Variants in PDS5A observed in about 807,000 individuals in gnomAD.
PDS5A encodes the protein sister chromatid cohesion protein PDS5 homolog A.
Under a neutral mutation model 167.1 loss-of-function variants are expected in PDS5A, and 42 were observed. The ratio of observed to expected loss-of-function variants is 0.25; its 90% confidence interval spans 0.20 to 0.33. The LOEUF (loss-of-function observed/expected upper bound fraction) is 0.33, where lower values mean the gene tolerates loss of function less well. Among genes scored for constraint, PDS5A ranks in the 10% least tolerant of loss-of-function variants. PDS5A has a pLI of 1.00. For synonymous variants in PDS5A, 553 were observed against 554.6 expected (o/e 1.00, Z 0.04); for missense variants, 1,033 against 1,605.9 (o/e 0.64, Z 6.10).
At chr4:39,901,220 C>T (rs7696520) in intron 13 of PDS5A, among the ~76,000 whole-genome samples, 36,967 of 150,362 alleles carry the variant, frequency 0.25, 5,009 homozygotes, top group East Asian at 0.44. Flanking sequence ...ACAACACTAT[C>T]GTAATAGAAT....
chr4:39,974,321 C>A (rs528904606), intron 2 of PDS5A: 2 of 509,192 alleles, frequency 3.9e-6, no homozygotes, highest in East Asian at 5.4e-5. Flanking sequence ...GTCAACAGAG[C>A]GGTTGCTAAC....
intron 2 of PDS5A, among the ~76,000 whole-genome samples, chr4:39,967,319 A>G (rs1730069300): frequency 6.7e-6 from 1 of 150,260 alleles, no homozygotes; most frequent in Admixed American, 6.7e-5. Flanking sequence ...AGAAAAGAAA[A>G]GAAACAAATT....
intron 22 of PDS5A, among the ~76,000 whole-genome samples, chr4:39,867,622 A>T (rs1403789036): frequency 1.3e-5 from 2 of 151,374 alleles, no homozygotes; most frequent in Non-Finnish European, 2.9e-5. Flanking sequence ...CAGGAGGCTG[A>T]GGCATGAGAA....
intron 2 of PDS5A, among the ~76,000 whole-genome samples, chr4:39,945,340 A>G (rs1727647747): frequency 6.6e-6 from 1 of 151,728 alleles, no homozygotes; most frequent in Non-Finnish European, 1.5e-5. Context: ...AGGCGCCTAT[A>G]GTTCCAGCTA....
At chr4:39,862,828 G>A (rs4547806) in intron 25 of PDS5A, 41 bp downstream of exon 25, 423,954 of 1,300,294 alleles carry the variant, frequency 0.33, 72,291 homozygotes, top group Middle Eastern at 0.37. Context: ...TGGATACATT[G>A]ACAAAATATA....
At chr4:39,877,229 G>GAA in intron 18 of PDS5A, 76 bp from the exon 19 acceptor site, 5 of 833,992 alleles carry the variant, frequency 6.0e-6, no homozygotes, top group Non-Finnish European at 7.1e-6. Context: ...TCCCGCAAAA[G>GAA]AAAAAAAAAA....
At chr4:39,940,168 A>G (rs1388201473) in intron 2 of PDS5A, among the ~76,000 whole-genome samples, 1 of 150,330 alleles carries the variant, frequency 6.7e-6, no homozygotes, top group Admixed American at 6.6e-5. Flanking sequence ...TAAATGAGAT[A>G]ATCACTTGCC....
intron 2 of PDS5A, among the ~76,000 whole-genome samples, chr4:39,942,864 C>T (rs888357217): frequency 2.6e-5 from 4 of 152,044 alleles, no homozygotes; most frequent in African/African-American, 9.7e-5. Flanking sequence ...AATCCCAGCA[C>T]TTTGGGAGGC....
At chr4:39,951,968 A>G (rs1200952831) in intron 2 of PDS5A, among the ~76,000 whole-genome samples, 1 of 151,832 alleles carries the variant, frequency 6.6e-6, no homozygotes, top group East Asian at 1.9e-4. Context: ...GTGGAAAAAC[A>G]CAAGCATCAA....
intron 31 of PDS5A, among the ~76,000 whole-genome samples, chr4:39,838,785 C>T (rs180830925): frequency 4.6e-5 from 7 of 152,074 alleles, no homozygotes; most frequent in East Asian, 1.9e-4. Flanking sequence ...TTTGGGAGGC[C>T]GAGACGGGTG....
intron 10 of PDS5A, among the ~76,000 whole-genome samples, chr4:39,909,108 C>CAT (rs1327900376): frequency 9.6e-6 from 1 of 104,518 alleles, no homozygotes; most frequent in African/African-American, 2.9e-5. Flanking sequence ...TTCACAGTTA[C>CAT]ATCTTTTTTT....
intron 11 of PDS5A, among the ~76,000 whole-genome samples, chr4:39,907,881 C>T (rs984079925): frequency 2.0e-5 from 3 of 152,140 alleles, no homozygotes; most frequent in South Asian, 2.1e-4. Flanking sequence ...CCACCGCGCC[C>T]GGCAATCCAT....
intron 23 of PDS5A, among the ~76,000 whole-genome samples, chr4:39,864,413 C>G (rs922721717): frequency 2.0e-5 from 3 of 152,094 alleles, no homozygotes; most frequent in Non-Finnish European, 4.4e-5. Context: ...CAAATGGAAC[C>G]TATGAAGCCT....
At chr4:39,888,829 A>G (rs1721720140) in intron 17 of PDS5A, among the ~76,000 whole-genome samples, 1 of 151,962 alleles carries the variant, frequency 6.6e-6, no homozygotes. Context: ...TAATTAATAG[A>G]TATAGAACGA....
chr4:39,975,179 T>A (rs1407418322), intron 2 of PDS5A, among the ~76,000 whole-genome samples: 3 of 151,550 alleles, frequency 2.0e-5, no homozygotes, highest in Non-Finnish European at 4.4e-5. Context: ...CTTGGGAGGC[T>A]GAGGCAGAAT....
At chr4:39,930,246 A>AAATTTT in intron 2 of PDS5A, among the ~76,000 whole-genome samples, 3 of 93,090 alleles carry the variant, frequency 3.2e-5, no homozygotes, top group Non-Finnish European at 6.7e-5. Flanking sequence ...AAAAAAAAAA[A>AAATTTT]GTTTTTTTGT....
chr4:39,829,717 C>T (rs925901832), intron 32 of PDS5A, among the ~76,000 whole-genome samples: 5 of 151,336 alleles, frequency 3.3e-5, no homozygotes, highest in South Asian at 4.2e-4. Flanking sequence ...TTTTGGAGGC[C>T]GAGGCGGGCG....
At chr4:39,913,213 T>C (rs944213229) in intron 9 of PDS5A, among the ~76,000 whole-genome samples, 146 of 152,148 alleles carry the variant, frequency 9.6e-4, no homozygotes, top group African/African-American at 3.4e-3. Flanking sequence ...GCCTCTTGCG[T>C]AGTTGCGGTT....
chr4:39,877,479 C>T (rs894633104), intron 18 of PDS5A, among the ~76,000 whole-genome samples: 2 of 152,096 alleles, frequency 1.3e-5, no homozygotes, highest in Non-Finnish European at 2.9e-5. Flanking sequence ...ATATTAATAA[C>T]TATTATCAGT....
Sources: allele counts gnomAD v4.1 joint callset (sites outside exome capture counted in the v4.1 genomes callset), GRCh38; gene constraint gnomAD v4.1.1; transcripts MANE v1.5; gene names NCBI Gene and HGNC (gene_info 2026-07-23, HGNC 2026-07-21).